NCALD: variants seen among roughly 807,000 people sequenced by gnomAD.
The protein encoded by NCALD is neurocalcin delta, also known as neurocalcin-delta.
A neutral mutation model predicts 18.6 loss-of-function variants in NCALD; 10 were observed. The observed-to-expected ratio is 0.54, with a 90% CI of 0.33 to 0.91. The LOEUF (loss-of-function observed/expected upper bound fraction) is 0.91, where lower values mean the gene tolerates loss of function less well. NCALD is among the 40% of genes least tolerant of loss of function. The pLI is 0.03. For missense variants in NCALD, 184 were observed against 247.6 expected (o/e 0.74, Z 1.72); for synonymous variants, 88 against 87.4 (o/e 1.01, Z -0.04).
intron 4 of NCALD, among the ~76,000 whole-genome samples, chr8:101,834,529 C>G (rs996718312): frequency 7.9e-5 from 12 of 152,206 alleles, no homozygotes; most frequent in Admixed American, 7.2e-4. Flanking sequence ...CCATGCTGGC[C>G]CTATTTTGGG....
intron 4 of NCALD, among the ~76,000 whole-genome samples, chr8:101,820,874 C>T (rs1016492731): frequency 6.6e-6 from 1 of 152,192 alleles, no homozygotes; most frequent in Non-Finnish European, 1.5e-5. Flanking sequence ...GCTTTCATAG[C>T]ATGAAATGGC....
chr8:102,050,796 T>C (rs1017893372), intron 1 of NCALD, among the ~76,000 whole-genome samples: 4 of 145,292 alleles, frequency 2.8e-5, no homozygotes, highest in Non-Finnish European at 4.5e-5. Context: ...AACTAATTTT[T>C]AATTTAATTA....
At chr8:102,100,960 T>C (rs1825258501) in intron 1 of NCALD, among the ~76,000 whole-genome samples, 1 of 152,166 alleles carries the variant, frequency 6.6e-6, no homozygotes, top group Non-Finnish European at 1.5e-5. Context: ...GATGAAGAAG[T>C]TCTGGAGATG....
chr8:101,727,704 A>G (rs1365767974), intron 1 of NCALD, among the ~76,000 whole-genome samples: 1 of 152,248 alleles, frequency 6.6e-6, no homozygotes, highest in African/African-American at 2.4e-5. Flanking sequence ...TTAAAGTTCT[A>G]TGAAGTCTTC....
chr8:101,840,979 G>A (rs949149495), intron 4 of NCALD, among the ~76,000 whole-genome samples: 2 of 152,110 alleles, frequency 1.3e-5, no homozygotes, highest in African/African-American at 4.8e-5. Flanking sequence ...TTAACACGGT[G>A]ACTAAGGCCT....
chr8:101,893,332 C>G (rs1391426160), intron 3 of NCALD, among the ~76,000 whole-genome samples: 2 of 150,664 alleles, frequency 1.3e-5, no homozygotes, highest in African/African-American at 5.0e-5. Context: ...TTGTCACCAC[C>G]AGGCCTGACC....
At chr8:102,058,470 A>G (rs1264553775) in intron 1 of NCALD, among the ~76,000 whole-genome samples, 1 of 152,200 alleles carries the variant, frequency 6.6e-6, no homozygotes, top group Non-Finnish European at 1.5e-5. Flanking sequence ...TTCCCCCACA[A>G]AGAAAGAAAT....
chr8:102,078,202 C>T (rs1824410027), intron 1 of NCALD, among the ~76,000 whole-genome samples: 1 of 152,004 alleles, frequency 6.6e-6, no homozygotes. Context: ...TTTATCACAC[C>T]ATGCCCAACT....
At chr8:101,741,744 T>C (rs1175921609) in intron 1 of NCALD, among the ~76,000 whole-genome samples, 4 of 107,414 alleles carry the variant, frequency 3.7e-5, no homozygotes, top group Admixed American at 1.3e-4. Context: ...CTAAGCAGCA[T>C]AGGGAGACCT....
At chr8:101,852,334 TC>T (rs1441114272) in intron 4 of NCALD, among the ~76,000 whole-genome samples, 1 of 152,220 alleles carries the variant, frequency 6.6e-6, no homozygotes, top group African/African-American at 2.4e-5. Flanking sequence ...CCTCTGAACT[TC>T]TGGCCTCTGT....
intron 1 of NCALD, among the ~76,000 whole-genome samples, chr8:102,116,229 C>T (rs1335012151): frequency 6.6e-6 from 1 of 152,054 alleles, no homozygotes; most frequent in Admixed American, 6.5e-5. Flanking sequence ...GCACGTTGTG[C>T]ACATGTACCC....
At chr8:102,034,046 A>G (rs1030950858) in intron 1 of NCALD, among the ~76,000 whole-genome samples, 1 of 145,468 alleles carries the variant, frequency 6.9e-6, no homozygotes. Context: ...ACACACACAC[A>G]CGCAGCTTTG....
chr8:101,706,254 T>C (rs1297768634), intron 2 of NCALD, among the ~76,000 whole-genome samples: 1 of 151,492 alleles, frequency 6.6e-6, no homozygotes, highest in African/African-American at 2.4e-5. Flanking sequence ...AATGTGGAGA[T>C]AGATGGTGGA....
chr8:101,826,756 G>A (rs1813953297), intron 4 of NCALD, among the ~76,000 whole-genome samples: 3 of 152,024 alleles, frequency 2.0e-5, no homozygotes, highest in Admixed American at 2.0e-4. Context: ...CCTAAATTAG[G>A]AGGATCCTGG....
chr8:101,796,216 C>T (rs1361071121), intron 4 of NCALD, among the ~76,000 whole-genome samples: 4 of 152,192 alleles, frequency 2.6e-5, no homozygotes, highest in Admixed American at 6.5e-5. Context: ...TTTCTGACTA[C>T]CTTCCAGAAA....
intron 1 of NCALD, among the ~76,000 whole-genome samples, chr8:102,111,214 T>G (rs1261337199): frequency 6.6e-6 from 1 of 152,176 alleles, no homozygotes; most frequent in Non-Finnish European, 1.5e-5. Flanking sequence ...TCTTTAAATG[T>G]CTTCCTGTTG....
At chr8:102,050,256 T>G (rs1823398009) in intron 1 of NCALD, among the ~76,000 whole-genome samples, 1 of 151,262 alleles carries the variant, frequency 6.6e-6, no homozygotes, top group Non-Finnish European at 1.5e-5. Flanking sequence ...ATATGAGTCC[T>G]TGATCAAATA....
At chr8:102,073,531 C>CT (rs57625174) in intron 1 of NCALD, among the ~76,000 whole-genome samples, 83 of 146,800 alleles carry the variant, frequency 5.7e-4, no homozygotes, top group Non-Finnish European at 7.4e-4. Context: ...ATATTTTATG[C>CT]TTTTTTTTTT....
chr8:102,093,953 A>C (rs1390622947), intron 1 of NCALD, among the ~76,000 whole-genome samples: 2 of 152,136 alleles, frequency 1.3e-5, no homozygotes, highest in Non-Finnish European at 2.9e-5. Flanking sequence ...CAGAGTGGCA[A>C]GAATTCATCA....
Sources: gnomAD v4.1 joint callset for allele counts (sites outside exome capture counted in the v4.1 genomes callset) on GRCh38, gnomAD v4.1.1 for gene constraint, MANE v1.5 for transcripts, NCBI Gene and HGNC (gene_info 2026-07-23, HGNC 2026-07-21) for gene names.